The following NPLOC4 variants were observed in gnomAD, a reference collection of about 807,000 sequenced individuals.
NPLOC4 encodes nuclear protein localization protein 4 homolog.
NPLOC4 carries 18 observed loss-of-function variants against 80.6 expected under a neutral mutation model. The observed-to-expected ratio is 0.22, with a 90% CI of 0.15 to 0.33. The LOEUF (loss-of-function observed/expected upper bound fraction) is 0.33, where lower values mean the gene tolerates loss of function less well. Ranked by LOEUF, NPLOC4 falls within the 10% of genes least tolerant of loss-of-function variation. The pLI is 1.00. For missense variants in NPLOC4, 540 were observed against 786.1 expected (o/e 0.69, Z 3.74); for synonymous variants, 313 against 301.5 (o/e 1.04, Z -0.39).
intron 9 of NPLOC4, 48 bp from the exon 10 acceptor site, chr17:81,597,364 T>G (rs780388358): frequency 6.8e-7 from 1 of 1,469,078 alleles, no homozygotes; most frequent in South Asian, 1.1e-5. Context: ...AGATAGACGA[T>G]GAATGGCTGG....
At chr17:81,622,623 T>G (rs9319619) in intron 2 of NPLOC4, among the ~76,000 whole-genome samples, 2 of 152,162 alleles carry the variant, frequency 1.3e-5, no homozygotes, top group East Asian at 3.9e-4. Flanking sequence ...TGATCTCGGC[T>G]TACTGCAACC....
intron 8 of NPLOC4, among the ~76,000 whole-genome samples, chr17:81,602,032 G>A (rs544935904): frequency 2.0e-5 from 3 of 152,152 alleles, no homozygotes; most frequent in South Asian, 4.1e-4. Context: ...CATATTATAC[G>A]TACAAAGAAA....
Position 81,608,753 on chromosome 17 carries a change from G to A in NPLOC4, c.505C>T (p.Arg169Trp), listed in dbSNP as rs1397818240. Residue 169 changes from arginine (R) to tryptophan (W), a missense_variant, in exon 6 of 17, where the codon CGG becomes TGG. Transcript: ENST00000331134. ...TTGTCAGCCCCTCCAGTCAGCTTCC[G>A]GATGTAGGCGTGGAAGGACATGTGC... ...VKHMSFHAYI[R>W]KLTGGADKGK... 4 of 1,592,052 alleles carry A rather than the reference G, an allele frequency of 2.5e-6. No homozygotes were observed. Among genetic ancestry groups the A allele is most frequent in the East Asian group, 2.3e-5 (1 of 44,034 alleles).
intron 1 of NPLOC4, among the ~76,000 whole-genome samples, chr17:81,631,437 T>TATATATATATATATATATATATATATATA (rs200897859): frequency 2.6e-4 from 11 of 42,914 alleles, no homozygotes; most frequent in Non-Finnish European, 4.2e-4. Context: ...TATATATATA[T>TATATATATATATATATATATATATATATA]TTTTTTTTTT....
rs906953252 is a variant in NPLOC4 at position 81,577,832 on chromosome 17, A to G, written c.1282-5744T>C. Among the ~76,000 whole-genome samples, 1 of 152,130 alleles carries G rather than the reference A, an allele frequency of 6.6e-6. No individual in the cohort carries two copies. Among genetic ancestry groups the G allele is most frequent in the African/African-American group, 2.4e-5 (1 of 41,426 alleles). ...CCAGGCCTCCAAACCTCTCAGTCCC[A>G]GCACACCATCCTTGTCCCCAAGGCC... On this transcript the variant is annotated intron_variant, in intron 12 of 16. Coordinates refer to ENST00000331134, the MANE Select transcript of NPLOC4 (RefSeq NM_017921.4). This position sits in a 1 kb window ranked among gnomAD's most constrained non-coding sequence, Gnocchi z 4.3.
At chr17:81,582,895 C>T (rs2034480987) in intron 12 of NPLOC4, among the ~76,000 whole-genome samples, 1 of 152,250 alleles carries the variant, frequency 6.6e-6, no homozygotes, top group African/African-American at 2.4e-5. Context: ...GGCTGATGGG[C>T]AGTGAGCCAC....
chr17:81,592,253 G>A (rs901737153), intron 11 of NPLOC4, among the ~76,000 whole-genome samples: 2 of 152,184 alleles, frequency 1.3e-5, no homozygotes, highest in African/African-American at 4.8e-5. Context: ...TTCCAACAGC[G>A]CTATGGGGTC....
At chr17:81,581,624 G>A (rs953558222) in intron 12 of NPLOC4, among the ~76,000 whole-genome samples, 1 of 152,114 alleles carries the variant, frequency 6.6e-6, no homozygotes, top group Non-Finnish European at 1.5e-5. Context: ...CCCCCACAAC[G>A]ATTACAGAAA....
chr17:81,589,851 A>AATC (rs2034689940), intron 11 of NPLOC4, among the ~76,000 whole-genome samples: 1 of 66,142 alleles, frequency 1.5e-5, no homozygotes, highest in Admixed American at 1.9e-4. Flanking sequence ...TCAATCAATC[A>AATC]AAAAAAAAAA....
At chr17:81,616,742 A>G (rs1363752032) in intron 3 of NPLOC4, among the ~76,000 whole-genome samples, 5 of 152,018 alleles carry the variant, frequency 3.3e-5, no homozygotes, top group Admixed American at 6.6e-5. Context: ...AAAAAAAAAA[A>G]AGAGTAACAC....
rs1374879229 is a variant in NPLOC4, at chr17:81,591,502, C to T, written c.1121-2398G>A. ...CTCTGGTGTTTAGACTGGTCATTAA[C>T]ACGATAGGTCATTCAAGAAAGAAAA... On this transcript the variant is annotated intron_variant, in intron 11 of 16. Transcript: ENST00000331134. Among the ~76,000 whole-genome samples the T allele has an allele frequency of 2.5e-5, 3 of 121,276 alleles. No individual in the cohort carries two copies. In the East Asian group the frequency reaches 7.1e-4, roughly 29 times the overall value. The allele number at this position is 121,276 out of a possible 152,430, so 79.6% of individuals were successfully genotyped here.
chr17:81,586,818 T>C (rs1326307356), intron 12 of NPLOC4, among the ~76,000 whole-genome samples: 1 of 152,188 alleles, frequency 6.6e-6, no homozygotes, highest in Admixed American at 6.5e-5. Flanking sequence ...GGGGTTACAC[T>C]GTAGAAAAAG....
At chr17:81,568,204 G>C (rs985792335) in intron 14 of NPLOC4, 1 of 152,260 alleles carries the variant, frequency 6.6e-6, no homozygotes, top group African/African-American at 2.4e-5. Context: ...ACGGCAGGGA[G>C]ACAGGTCTGA....
Position 81,558,287 on chromosome 17 carries a change from C to G in NPLOC4, c.*972G>C, listed in dbSNP as rs540594270. ...CAGGCGGTGCAGTGGGACGAAGCAG[C>G]GTATTGGGGAGGGCCAGAGCATCGG... On this transcript the variant is annotated 3_prime_UTR_variant, in exon 17 of 17. Coordinates refer to ENST00000331134, the MANE Select transcript of NPLOC4 (RefSeq NM_017921.4). 1 of 152,328 alleles carries G rather than the reference C, an allele frequency of 6.6e-6. No homozygotes were observed. Among genetic ancestry groups the G allele is most frequent in the African/African-American group, 2.4e-5 (1 of 41,468 alleles). The allele number at this position is 152,328 out of a possible 1,614,324, so 9.4% of individuals were successfully genotyped here. A position where few individuals can be genotyped will look rare whatever the true frequency, so the allele number is the denominator to read the frequency against.
intron 1 of NPLOC4, among the ~76,000 whole-genome samples, chr17:81,633,715 TCCC>T (rs1241385785): frequency 6.6e-6 from 1 of 151,914 alleles, no homozygotes; most frequent in Admixed American, 6.6e-5. Flanking sequence ...AACTCTTTTC[TCCC>T]CCCAAGACAG....
At chr17:81,623,244 G>C (rs955090448) in intron 2 of NPLOC4, among the ~76,000 whole-genome samples, 5 of 151,486 alleles carry the variant, frequency 3.3e-5, no homozygotes, top group Admixed American at 2.6e-4. Context: ...GGCCAAAGCA[G>C]GTGGATCACG....
intron 4 of NPLOC4, 137 bp from the exon 5 acceptor site, chr17:81,610,395 T>C (rs2035310061): frequency 2.9e-6 from 2 of 697,476 alleles, no homozygotes; most frequent in Non-Finnish European, 5.0e-6. Context: ...GGCACATGGA[T>C]AAACATTTAT....
At chr17:81,582,074 C>T (rs952560577) in intron 12 of NPLOC4, among the ~76,000 whole-genome samples, 3 of 152,186 alleles carry the variant, frequency 2.0e-5, no homozygotes, top group East Asian at 3.8e-4. Flanking sequence ...GGCCCAGACA[C>T]CACAGTGAAT....
intron 2 of NPLOC4, among the ~76,000 whole-genome samples, chr17:81,626,831 T>G (rs2035807704): frequency 2.0e-5 from 3 of 152,120 alleles, no homozygotes; most frequent in Admixed American, 2.0e-4. Flanking sequence ...GGATCATACC[T>G]GTAATCCCAG....
Sources: gnomAD v4.1 joint callset for allele counts (sites outside exome capture counted in the v4.1 genomes callset) on GRCh38, gnomAD v4.1.1 for gene constraint, Gnocchi (gnomAD v3.1) non-coding constraint, MANE v1.5 for transcripts, NCBI Gene and HGNC (gene_info 2026-07-23, HGNC 2026-07-21) for gene names.